Variants in DSCAM observed in about 807,000 individuals in gnomAD.
DSCAM encodes the protein DS cell adhesion molecule, also known as cell adhesion molecule DSCAM.
DSCAM carries 47 observed loss-of-function variants against 217.7 expected under a neutral mutation model. The ratio of observed to expected loss-of-function variants is 0.22; its 90% CI spans 0.17 to 0.28. The LOEUF (loss-of-function observed/expected upper bound fraction) is 0.28, where lower values mean the gene tolerates loss of function less well. Ranked by LOEUF, DSCAM falls within the 10% of genes least tolerant of loss-of-function variation. The pLI, the probability that DSCAM is intolerant of heterozygous loss-of-function variation, is 1.00. For synonymous variants in DSCAM, 1,056 were observed against 1,015.3 expected, an observed-to-expected ratio of 1.04 and a Z score of -0.76; for missense variants, 2,080 against 2,618.3, an observed-to-expected ratio of 0.79 and a Z score of 4.49.
intron 3 of DSCAM, among the ~76,000 whole-genome samples, chr21:40,417,617 T>C (rs2075384425): frequency 6.6e-6 from 1 of 152,210 alleles, no homozygotes; most frequent in South Asian, 2.1e-4. Context: ...TCATATTTTA[T>C]CTTATTGCTA....
chr21:40,782,005 A>AAG (rs1555888310), intron 1 of DSCAM, among the ~76,000 whole-genome samples: 3 of 149,582 alleles, frequency 2.0e-5, no homozygotes, highest in Non-Finnish European at 4.5e-5. Flanking sequence ...AAAAAAAAAA[A>AAG]AAAAAGAAAA....
intron 9 of DSCAM, among the ~76,000 whole-genome samples, chr21:40,300,752 A>G (rs745856696): frequency 2.6e-5 from 4 of 152,224 alleles, no homozygotes; most frequent in Non-Finnish European, 5.9e-5. Flanking sequence ...GGGCATCAGA[A>G]TCACCTGAAG....
intron 15 of DSCAM, among the ~76,000 whole-genome samples, chr21:40,167,848 G>T (rs1238092399): frequency 6.6e-6 from 1 of 152,118 alleles, no homozygotes; most frequent in Admixed American, 6.6e-5. Flanking sequence ...GGGCAATCAC[G>T]AGATCAGGAG....
At chr21:40,631,261 C>CCCCAAGAAG (rs2089687981) in intron 3 of DSCAM, among the ~76,000 whole-genome samples, 1 of 152,176 alleles carries the variant, frequency 6.6e-6, no homozygotes, top group Non-Finnish European at 1.5e-5. Context: ...CATTTGTCTT[C>CCCCAAGAAG]TTGTTCCTTA....
chr21:40,139,172 G>T (rs2090257274), intron 18 of DSCAM, among the ~76,000 whole-genome samples: 1 of 150,934 alleles, frequency 6.6e-6, no homozygotes, highest in African/African-American at 2.5e-5. Context: ...GGTGTGTGTG[G>T]TGTGGTATGT....
chr21:40,485,097 A>C (rs1036594372), intron 3 of DSCAM, among the ~76,000 whole-genome samples: 1 of 152,010 alleles, frequency 6.6e-6, no homozygotes, highest in Non-Finnish European at 1.5e-5. Context: ...CGCCTACATC[A>C]ATTTCTGGCC....
In DSCAM at chr21:40,688,883, T is replaced by C. The variant is rs912808653; in HGVS notation, c.508+3927A>G. Among the ~76,000 whole-genome samples the C allele has an allele frequency of 4.6e-5, 7 of 152,206 alleles. No individual in the cohort carries two copies. In the South Asian group the frequency reaches 6.2e-4, roughly 13 times the overall value. On this transcript the variant is annotated intron_variant, in intron 3 of 32. Transcript: ENST00000400454. ...CTTTCCAAAGGTCACTCCAAATCAA[T>C]GAACTCATTAATGTCCTTGATAATG... is the stretch of plus-strand genomic sequence containing the variant.
At chr21:40,025,677 C>G (rs2088365242) in intron 32 of DSCAM, among the ~76,000 whole-genome samples, 1 of 151,064 alleles carries the variant, frequency 6.6e-6, no homozygotes. Flanking sequence ...TTGTAGTACT[C>G]TCTGATGGTA....
At chr21:40,479,117 G>T (rs900289052) in intron 3 of DSCAM, among the ~76,000 whole-genome samples, 48 of 152,168 alleles carry the variant, frequency 3.2e-4, no homozygotes, top group Non-Finnish European at 2.1e-4. Context: ...GTGCTTCATT[G>T]CAATGAGGCA....
At chr21:40,247,803 G>A (rs987328459) in intron 11 of DSCAM, among the ~76,000 whole-genome samples, 7 of 152,308 alleles carry the variant, frequency 4.6e-5, no homozygotes, top group Middle Eastern at 3.4e-3. Context: ...GACTCTGTGT[G>A]GGGCCTCTGA....
chr21:40,111,308 C>T (rs1237198009), intron 20 of DSCAM, among the ~76,000 whole-genome samples: 2 of 151,832 alleles, frequency 1.3e-5, no homozygotes, highest in Non-Finnish European at 2.9e-5. Context: ...TCATATCCAG[C>T]CAAACTAAGC....
intron 32 of DSCAM, among the ~76,000 whole-genome samples, chr21:40,020,733 G>A (rs1203073244): frequency 1.3e-5 from 2 of 152,170 alleles, no homozygotes; most frequent in Non-Finnish European, 2.9e-5. Context: ...TGCCCGCACT[G>A]CCGGTTCCTT....
intron 3 of DSCAM, among the ~76,000 whole-genome samples, chr21:40,654,096 A>T (rs967304689): frequency 1.2e-4 from 13 of 112,566 alleles, no homozygotes; most frequent in African/African-American, 4.3e-4. Flanking sequence ...TTCCATCTCA[A>T]AAAGAAAAAG....
chr21:40,265,560 A>G (rs1182154676), intron 11 of DSCAM, among the ~76,000 whole-genome samples: 1 of 152,210 alleles, frequency 6.6e-6, no homozygotes, highest in Non-Finnish European at 1.5e-5. Context: ...AAAAAGATTT[A>G]TTCTTAGAAT....
intron 3 of DSCAM, among the ~76,000 whole-genome samples, chr21:40,593,212 C>A (rs1328639718): frequency 6.6e-6 from 1 of 151,842 alleles, no homozygotes; most frequent in Non-Finnish European, 1.5e-5. Flanking sequence ...ATTAATAATT[C>A]TTGAAATTGT....
At chr21:40,786,283 AAAGG>A (rs200695938) in intron 1 of DSCAM, among the ~76,000 whole-genome samples, 2,196 of 151,828 alleles carry the variant, frequency 0.014, 22 homozygotes, top group Middle Eastern at 0.024. Flanking sequence ...AGAAAGAAAA[AAAGG>A]AAGGAAGGAA....
intron 3 of DSCAM, among the ~76,000 whole-genome samples, chr21:40,517,042 TAC>T (rs1939286703): frequency 1.4e-5 from 2 of 147,768 alleles, no homozygotes; most frequent in Admixed American, 6.8e-5. Flanking sequence ...TATATATATA[TAC>T]CTTATATACT....
chr21:40,754,452 C>T (rs551216695), intron 1 of DSCAM, among the ~76,000 whole-genome samples: 26 of 152,268 alleles, frequency 1.7e-4, no homozygotes, highest in Non-Finnish European at 2.5e-4. Context: ...AAAAGGAAGA[C>T]GGTCAATGAA....
rs536828642 is a variant in DSCAM at position 40,332,001 on chromosome 21, G to A, written c.1783+6100C>T. ...CCAACCCCGCCATCCAAAGGCTTTC[G>A]CCAAGACACTCAGGTGCCACATCGC... On this transcript the variant is annotated intron_variant, in intron 8 of 32. Transcript: ENST00000400454. Among the ~76,000 whole-genome samples, 30 of 152,146 alleles carry A rather than the reference G, an allele frequency of 2.0e-4. No homozygotes were observed. In the South Asian group the frequency reaches 6.0e-3, roughly 31 times the overall value.
Sources: gnomAD v4.1 joint callset for allele counts (sites outside exome capture counted in the v4.1 genomes callset) on GRCh38, gnomAD v4.1.1 for gene constraint, MANE v1.5 for transcripts, NCBI Gene and HGNC (gene_info 2026-07-23, HGNC 2026-07-21) for gene names.